The following GFOD2 variants were observed in gnomAD, a reference collection of about 807,000 sequenced individuals.
GFOD2 encodes glucose-fructose oxidoreductase domain-containing protein 2.
A neutral mutation model predicts 24.6 loss-of-function variants in GFOD2; 9 were observed. The observed-to-expected ratio is 0.37, with a 90% CI of 0.22 to 0.64. GFOD2 has a LOEUF of 0.64. Ranked by LOEUF, GFOD2 falls within the 30% of genes least tolerant of loss-of-function variation. The probability of loss-of-function intolerance (pLI) is 0.65; values close to 1 mark genes in which losing one functional copy is unlikely to be tolerated. For missense variants in GFOD2, 476 were observed against 532.5 expected (o/e 0.89, Z 1.04); for synonymous variants, 211 against 224.8 (o/e 0.94, Z 0.55).
intron 1 of GFOD2, among the ~76,000 whole-genome samples, chr16:67,703,048 T>C (rs930246516): frequency 6.6e-6 from 1 of 152,206 alleles, no homozygotes; most frequent in Non-Finnish European, 1.5e-5. Flanking sequence ...AGAAGGTGCC[T>C]AAGAATTCTT....
At chr16:67,680,053 G>A (rs952143173) in intron 2 of GFOD2, among the ~76,000 whole-genome samples, 6 of 152,138 alleles carry the variant, frequency 3.9e-5, no homozygotes, top group South Asian at 2.1e-4. Flanking sequence ...GTGACAGCAC[G>A]CCCAGCTGAT....
chr16:67,698,011 T>C (rs2053370654), intron 1 of GFOD2, among the ~76,000 whole-genome samples: 1 of 152,210 alleles, frequency 6.6e-6, no homozygotes, highest in Non-Finnish European at 1.5e-5. Context: ...CTCTCTGCCC[T>C]GCTTTTTGTC....
Position 67,696,693 on chromosome 16 carries a change from T to A in GFOD2, c.-87-10891A>T, listed in dbSNP as rs528403069. Among the ~76,000 whole-genome samples, 8 of 150,658 alleles carry A rather than the reference T, an allele frequency of 5.3e-5. No homozygotes were observed. In the East Asian group the frequency reaches 1.6e-3, roughly 30 times the overall value. On this transcript the variant is annotated intron_variant, in intron 1 of 2. Transcript: ENST00000268797. ...TTTCACCATGTTAGCCAGGATGGTC[T>A]GGATCTCCTGACCTCGTGATCCGCC...
intron 1 of GFOD2, 64 bp downstream of exon 1, chr16:67,719,099 C>G (rs933996981): frequency 1.3e-5 from 2 of 152,294 alleles, no homozygotes; most frequent in African/African-American, 4.8e-5. Context: ...GCCCTGTCGG[C>G]GCCCGCTCCC....
intron 1 of GFOD2, among the ~76,000 whole-genome samples, chr16:67,700,433 T>C (rs2053393739): frequency 6.6e-6 from 1 of 151,686 alleles, no homozygotes; most frequent in South Asian, 2.1e-4. Context: ...ACTTACCGTA[T>C]CAGTAGTCAT....
intron 1 of GFOD2, among the ~76,000 whole-genome samples, chr16:67,690,153 TC>T (rs1215995371): frequency 6.6e-6 from 1 of 152,200 alleles, no homozygotes; most frequent in Non-Finnish European, 1.5e-5. Context: ...AAATATCTCT[TC>T]TAGACTCTGC....
chr16:67,709,672 T>C (rs567884244), intron 1 of GFOD2, among the ~76,000 whole-genome samples: 82 of 152,312 alleles, frequency 5.4e-4, no homozygotes, highest in Admixed American at 1.6e-3. Flanking sequence ...TGGAGTGCAG[T>C]GGCATGATCT....
chr16:67,677,623 G>A (rs1222935145), intron 2 of GFOD2: 1 of 152,358 alleles, frequency 6.6e-6, no homozygotes, highest in Non-Finnish European at 1.5e-5. Context: ...TGGGGATTGG[G>A]GAGAGGCAAT....
intron 1 of GFOD2, among the ~76,000 whole-genome samples, chr16:67,694,986 TC>T (rs2053347380): frequency 7.0e-6 from 1 of 143,564 alleles, no homozygotes; most frequent in Non-Finnish European, 1.5e-5. Context: ...TCCATCTCTC[TC>T]TTTTTTTTTT....
chr16:67,692,065 GATAAGGGAT>G (rs1170679479), intron 1 of GFOD2, among the ~76,000 whole-genome samples: 1 of 151,986 alleles, frequency 6.6e-6, no homozygotes, highest in African/African-American at 2.4e-5. Context: ...GGGATGCACT[GATAAGGGAT>G]ACAAAGATAT....
chr16:67,681,366 A>G, intron 2 of GFOD2: 2 of 985,420 alleles, frequency 2.0e-6, no homozygotes, highest in Non-Finnish European at 2.4e-6. Context: ...TTCCTGTTTC[A>G]TGCCTCAAGA....
At chr16:67,687,635 C>T (rs561461317) in intron 1 of GFOD2, among the ~76,000 whole-genome samples, 3 of 128,000 alleles carry the variant, frequency 2.3e-5, no homozygotes, top group East Asian at 2.2e-4. Flanking sequence ...AGCAAGACTC[C>T]GTCTCAAAAA....
chr16:67,690,744 T>A (rs1375704143), intron 1 of GFOD2, among the ~76,000 whole-genome samples: 1 of 152,182 alleles, frequency 6.6e-6, no homozygotes, highest in Non-Finnish European at 1.5e-5. Flanking sequence ...AAAGGACAAA[T>A]CTGTCATTAA....
chr16:67,690,880 T>G (rs971233410), intron 1 of GFOD2, among the ~76,000 whole-genome samples: 4 of 152,208 alleles, frequency 2.6e-5, no homozygotes, highest in African/African-American at 9.7e-5. Context: ...GATTCTTTTT[T>G]GAAATGGAGT....
intron 1 of GFOD2, among the ~76,000 whole-genome samples, chr16:67,702,270 G>A (rs1008449564): frequency 1.1e-4 from 16 of 151,980 alleles, no homozygotes; most frequent in African/African-American, 3.4e-4. Context: ...GATTGCTTGA[G>A]GCTAGGAGTT....
rs370389479 is a variant in GFOD2 at position 67,679,785 on chromosome 16, G to A, written c.260-3732C>T. Among the ~76,000 whole-genome samples, 83 of 152,098 alleles carry A rather than the reference G, an allele frequency of 5.5e-4. 1 individual carries two copies. The highest frequency in any genetic ancestry group is 1.9e-3 in the African/African-American group (78 of 41,532). The stretch of plus-strand genomic sequence containing the variant: ...GCCTGTAATCCCAGCTACTCAGGAG[G>A]CTGAGGCAGGAGAATTGCTTGAACC... On this transcript the variant is annotated intron_variant, in intron 2 of 2. Coordinates refer to ENST00000268797, the MANE Select transcript of GFOD2 (RefSeq NM_030819.4).
rs181895703 is a variant in GFOD2 at position 67,679,698 on chromosome 16, C to A, written c.260-3645G>T. Among the ~76,000 whole-genome samples the A allele has an allele frequency of 3.5e-3, 533 of 151,738 alleles. 4 individuals are homozygous for A. The highest frequency in any genetic ancestry group is 0.012 in the African/African-American group (500 of 41,416). On this transcript the variant is annotated intron_variant, in intron 2 of 2. Transcript: ENST00000268797. ...GGTCAGGGGTTCGAGACCACCCTGACCAACATGATGAAACCCTATCTCTAC... is the reference window on the plus strand; with the variant it reads ...GGTCAGGGGTTCGAGACCACCCTGAACAACATGATGAAACCCTATCTCTAC...
intron 1 of GFOD2, among the ~76,000 whole-genome samples, chr16:67,701,526 T>C (rs149308530): frequency 6.6e-6 from 1 of 152,292 alleles, no homozygotes; most frequent in African/African-American, 2.4e-5. Context: ...TGTGATCCCA[T>C]TTAAATGCCA....
chr16:67,706,078 G>A lies in GFOD2; in HGVS notation c.-88+13085C>T, dbSNP rs1456121905. On this transcript the variant is annotated intron_variant, in intron 1 of 2. Transcript: ENST00000268797. Reference sequence around the variant, plus strand: ...GCTCACTGCAACCTCCGCCTCCGGGGTTCAAGCAATTCTTCTGCCTCCTGA... The same window carrying A: ...GCTCACTGCAACCTCCGCCTCCGGGATTCAAGCAATTCTTCTGCCTCCTGA... 2.6e-5 allele frequency among the ~76,000 whole-genome samples: 4 copies of A among 151,088 alleles called. No homozygotes were observed. The East Asian group carries it at 5.9e-4, about 22-fold the overall frequency.
Sources: allele counts gnomAD v4.1 joint callset (sites outside exome capture counted in the v4.1 genomes callset), GRCh38; gene constraint gnomAD v4.1.1; transcripts MANE v1.5; gene names NCBI Gene and HGNC (gene_info 2026-07-23, HGNC 2026-07-21).